TEAD1: variants seen among roughly 807,000 people sequenced by gnomAD.
TEAD1 encodes transcriptional enhancer factor TEF-1.
Under a neutral mutation model 54.9 loss-of-function variants are expected in TEAD1, and 9 were observed. The ratio of observed to expected loss-of-function variants is 0.16; its 90% confidence interval spans 0.10 to 0.29. The LOEUF (loss-of-function observed/expected upper bound fraction) is 0.29. Among genes scored for constraint, TEAD1 ranks in the 10% least tolerant of loss-of-function variants. TEAD1 has a pLI of 1.00. For missense variants in TEAD1, 387 were observed against 535.9 expected, an observed-to-expected ratio of 0.72 and a Z score of 2.74; for synonymous variants, 200 against 187.8, an observed-to-expected ratio of 1.07 and a Z score of -0.53.
chr11:12,840,173 G>T (rs1946996125), intron 3 of TEAD1, among the ~76,000 whole-genome samples: 1 of 150,568 alleles, frequency 6.6e-6, no homozygotes, highest in South Asian at 2.1e-4. Flanking sequence ...CGTGAACCCG[G>T]GAGGCGGAGC....
At chr11:12,921,984 G>A (rs1391417874) in intron 10 of TEAD1, among the ~76,000 whole-genome samples, 1 of 152,164 alleles carries the variant, frequency 6.6e-6, no homozygotes, top group Non-Finnish European at 1.5e-5. Flanking sequence ...TGCAGAATGT[G>A]AGGAAAGCTC....
intron 2 of TEAD1, among the ~76,000 whole-genome samples, chr11:12,721,386 A>G (rs1379222664): frequency 1.3e-5 from 2 of 152,176 alleles, no homozygotes; most frequent in Non-Finnish European, 2.9e-5. Flanking sequence ...AGGGCACAGT[A>G]TCTCCAGTCC....
intron 2 of TEAD1, among the ~76,000 whole-genome samples, chr11:12,717,105 C>G (rs945833394): frequency 6.6e-6 from 1 of 152,168 alleles, no homozygotes; most frequent in African/African-American, 2.4e-5. Flanking sequence ...CATAAACAGT[C>G]AAGTCTGGCC....
chr11:12,926,094 A>G (rs1948899264), intron 11 of TEAD1, among the ~76,000 whole-genome samples: 1 of 152,188 alleles, frequency 6.6e-6, no homozygotes, highest in African/African-American at 2.4e-5. Flanking sequence ...CACCCAATTA[A>G]TTGATCCATG....
intron 2 of TEAD1, among the ~76,000 whole-genome samples, chr11:12,719,081 A>G (rs1944125209): frequency 6.6e-6 from 1 of 151,838 alleles, no homozygotes; most frequent in African/African-American, 2.4e-5. Context: ...GGGGTTGGGA[A>G]GCTGTCTCTT....
At position 12,867,057 on chromosome 11, in the gene TEAD1, T is replaced by TA. The variant is rs377443675; in HGVS notation, c.330+2158dup. Reference sequence around the variant, plus strand: ...CATTTAAGCTCACTATGAAGTGACTTACAGTATTCTGCTTTTGGGGCATGA... The same window carrying TA: ...CATTTAAGCTCACTATGAAGTGACTTAACAGTATTCTGCTTTTGGGGCATGA... On this transcript the variant is annotated intron_variant, in intron 5 of 12. Coordinates refer to ENST00000527636, the MANE Select transcript of TEAD1 (RefSeq NM_021961.6). 9.1e-4 allele frequency among the ~76,000 whole-genome samples: 139 copies of TA among 152,240 alleles called. 1 individual carries two copies. Among genetic ancestry groups the TA allele is most frequent in the Non-Finnish European group, 1.1e-3 (76 of 68,016 alleles).
intron 3 of TEAD1, among the ~76,000 whole-genome samples, chr11:12,773,760 A>G (rs1441041358): frequency 6.6e-6 from 1 of 152,242 alleles, no homozygotes; most frequent in Non-Finnish European, 1.5e-5. Flanking sequence ...CTTTTAGCAG[A>G]GCAAAACTTT....
rs572055503 is a variant in TEAD1, at chr11:12,881,680, T to C, written c.513-216T>C. ...CAGGCTGTCTTTCCAGCACATCCCATTGAACTGGAATGAGGCTTGGTGGTT... is the reference window on the plus strand; with the variant it reads ...CAGGCTGTCTTTCCAGCACATCCCACTGAACTGGAATGAGGCTTGGTGGTT... On this transcript the variant is annotated intron_variant, in intron 7 of 12. Coordinates refer to ENST00000527636, the MANE Select transcript of TEAD1 (RefSeq NM_021961.6). 2.6e-5 allele frequency among the ~76,000 whole-genome samples: 4 copies of C among 152,214 alleles called. No individual in the cohort carries two copies. In the South Asian group the frequency reaches 6.2e-4, roughly 24 times the overall value.
chr11:12,734,481 A>G (rs1179313622), intron 2 of TEAD1, among the ~76,000 whole-genome samples: 1 of 152,248 alleles, frequency 6.6e-6, no homozygotes, highest in Non-Finnish European at 1.5e-5. Flanking sequence ...ACAGTAGCGT[A>G]CAGTAATATC....
intron 3 of TEAD1, among the ~76,000 whole-genome samples, chr11:12,860,584 G>T (rs1172651786): frequency 6.6e-6 from 1 of 152,196 alleles, no homozygotes; most frequent in East Asian, 1.9e-4. Flanking sequence ...TGCTAGGGAA[G>T]ATCTGGGGGA....
chr11:12,866,668 A>T (rs1947624194), intron 5 of TEAD1, among the ~76,000 whole-genome samples: 1 of 152,224 alleles, frequency 6.6e-6, no homozygotes, highest in African/African-American at 2.4e-5. Flanking sequence ...CAGAAACAGA[A>T]GCAGTAGGAT....
At chr11:12,919,182 G>A (rs1948763587) in intron 10 of TEAD1, among the ~76,000 whole-genome samples, 1 of 152,192 alleles carries the variant, frequency 6.6e-6, no homozygotes, top group African/African-American at 2.4e-5. Context: ...CTGAGGGTAG[G>A]TTGGGTATTC....
intron 3 of TEAD1, among the ~76,000 whole-genome samples, chr11:12,810,368 G>C (rs1946275774): frequency 6.6e-6 from 1 of 152,170 alleles, no homozygotes; most frequent in South Asian, 2.1e-4. Flanking sequence ...CCGGATGTAT[G>C]GACGCTGGAG....
At chr11:12,797,442 C>A (rs540915584) in intron 3 of TEAD1, among the ~76,000 whole-genome samples, 1 of 152,312 alleles carries the variant, frequency 6.6e-6, no homozygotes, top group East Asian at 1.9e-4. Context: ...GTGTCCTTTT[C>A]TCATTCCTGG....
At chr11:12,862,976 C>T (rs912231397) in intron 4 of TEAD1, among the ~76,000 whole-genome samples, 2 of 151,090 alleles carry the variant, frequency 1.3e-5, no homozygotes, top group East Asian at 3.9e-4. Context: ...CAGTTTAGAA[C>T]TGGAACGAAT....
Position 12,781,968 on chromosome 11 carries a change from AAAAGAAAGAAAAAAAGAAAAAG to A in TEAD1, c.202+17538_202+17559del, listed in dbSNP as rs1279264019. ...CGTCTGTACAAAAAAAAAAAAAAAAAAAAGAAAGAAAAAAAGAAAAAGAAAAAAAAAATTAGCCAAGCGTGGT... is the reference window on the plus strand; with the variant it reads ...CGTCTGTACAAAAAAAAAAAAAAAAAAAAAAAAAAATTAGCCAAGCGTGGT... On this transcript the variant is annotated intron_variant, in intron 3 of 12. Coordinates refer to ENST00000527636, the MANE Select transcript of TEAD1 (RefSeq NM_021961.6). Among the ~76,000 whole-genome samples, 83 of 135,618 alleles carry A rather than the reference AAAAGAAAGAAAAAAAGAAAAAG, an allele frequency of 6.1e-4. 2 individuals are homozygous for A. Among genetic ancestry groups the A allele is most frequent in the African/African-American group, 3.0e-3 (81 of 26,896 alleles). The allele number at this position is 135,618 out of a possible 152,430, so 89.0% of individuals were successfully genotyped here. A position where few individuals can be genotyped will look rare whatever the true frequency, so the allele number is the denominator to read the frequency against.
chr11:12,810,789 T>A (rs1328522951), intron 3 of TEAD1, among the ~76,000 whole-genome samples: 2 of 152,150 alleles, frequency 1.3e-5, no homozygotes, highest in Non-Finnish European at 2.9e-5. Context: ...TATCTCCTCC[T>A]CCCTGGCCCT....
intron 2 of TEAD1, among the ~76,000 whole-genome samples, chr11:12,701,235 TTAAA>T (rs1267242738): frequency 6.6e-6 from 1 of 152,126 alleles, no homozygotes; most frequent in African/African-American, 2.4e-5. Context: ...TTTTCTTTCT[TTAAA>T]TAAAGGCTTC....
chr11:12,896,250 T>C (rs1948313469), intron 9 of TEAD1, among the ~76,000 whole-genome samples: 1 of 152,224 alleles, frequency 6.6e-6, no homozygotes, highest in Admixed American at 6.5e-5. Context: ...GATGGTGAGA[T>C]ATAAATCAGG....
Sources: allele counts gnomAD v4.1 joint callset (sites outside exome capture counted in the v4.1 genomes callset), GRCh38; gene constraint gnomAD v4.1.1; transcripts MANE v1.5; gene names NCBI Gene and HGNC (gene_info 2026-07-23, HGNC 2026-07-21).